Variants in NFAM1 observed in about 807,000 individuals in gnomAD.
NFAM1 encodes the protein NFAT activating protein with ITAM motif 1, also known as NFAT activation molecule 1.
Under a neutral mutation model 29.0 loss-of-function variants are expected in NFAM1, and 17 were observed. The ratio of observed to expected loss-of-function variants is 0.59; its 90% CI spans 0.40 to 0.88. The LOEUF is 0.88. Among genes scored for constraint, NFAM1 ranks in the 40% least tolerant of loss-of-function variants. The probability of loss-of-function intolerance (pLI) is 0.00; values close to 1 mark genes in which losing one functional copy is unlikely to be tolerated. For missense variants in NFAM1, 324 were observed against 344.6 expected, an observed-to-expected ratio of 0.94 and a Z score of 0.47; for synonymous variants, 175 against 147.2, an observed-to-expected ratio of 1.19 and a Z score of -1.36.
intron 1 of NFAM1, among the ~76,000 whole-genome samples, chr22:42,422,874 G>A (rs1219015537): frequency 6.6e-6 from 1 of 152,106 alleles, no homozygotes; most frequent in Non-Finnish European, 1.5e-5. Flanking sequence ...TAGCACTTTG[G>A]GAGGCCGAGG....
intron 1 of NFAM1, among the ~76,000 whole-genome samples, chr22:42,431,520 G>C (rs1450912613): frequency 6.6e-6 from 1 of 152,152 alleles, no homozygotes; most frequent in Non-Finnish European, 1.5e-5. Context: ...CCCTGGAATG[G>C]GACCCTCCTG....
intron 1 of NFAM1, among the ~76,000 whole-genome samples, chr22:42,426,901 C>G (rs1050165050): frequency 6.6e-6 from 1 of 152,174 alleles, no homozygotes; most frequent in Non-Finnish European, 1.5e-5. Flanking sequence ...CTGAGGGGTC[C>G]CAGGTGCCAC....
chr22:42,385,129 C>G lies in NFAM1; in HGVS notation c.*32G>C. 6.3e-7 allele frequency: 1 copy of G among 1,591,318 alleles called. No individual in the cohort carries two copies. Among genetic ancestry groups the G allele is most frequent in the Non-Finnish European group, 8.6e-7 (1 of 1,159,674 alleles). On this transcript the variant is annotated 3_prime_UTR_variant, in exon 6 of 6. Transcript: ENST00000329021. ...CAGGGGCTGCCCCGGTCCTCTGACCCAGGGCAAGCTCTATGAGCGGTGGAG... is the reference window on the plus strand; with the variant it reads ...CAGGGGCTGCCCCGGTCCTCTGACCGAGGGCAAGCTCTATGAGCGGTGGAG...
chr22:42,422,444 A>G (rs192942390), intron 1 of NFAM1, among the ~76,000 whole-genome samples: 10 of 152,064 alleles, frequency 6.6e-5, no homozygotes, highest in African/African-American at 2.2e-4. Flanking sequence ...CATCTCTACT[A>G]AAAATACAAA....
chr22:42,405,367 C>A (rs1033258653), intron 3 of NFAM1, among the ~76,000 whole-genome samples: 3 of 152,144 alleles, frequency 2.0e-5, no homozygotes, highest in African/African-American at 4.8e-5. Context: ...GGGGGGAGTC[C>A]CTTGTCACCT....
chr22:42,402,424 C>CGCAGAGCAGAAACTTT (rs1569229149), intron 3 of NFAM1, among the ~76,000 whole-genome samples: 7 of 152,136 alleles, frequency 4.6e-5, no homozygotes. Flanking sequence ...GAATGCCACC[C>CGCAGAGCAGAAACTTT]GCAGAGCAGA....
rs73886064 is a variant in NFAM1 at position 42,387,090 on chromosome 22, G to A, written c.664-12C>T. ...CGGCGCTGCAGAGCCTACAGGAAAC[G>A]GGGTGCCAGGATCAGGGGCAAGTGT... On this transcript the variant is annotated splice_polypyrimidine_tract_variant and intron_variant, in intron 4 of 5. Transcript: ENST00000329021. 2.1e-3 allele frequency: 3,240 copies of A among 1,531,696 alleles called. 50 individuals carry two copies. The African/African-American group carries it at 0.036, about 17-fold the overall frequency. 94.9% of individuals were successfully genotyped at this position (1,531,696 alleles called of 1,614,324 possible). A position where few individuals can be genotyped will look rare whatever the true frequency, so the allele number is the denominator to read the frequency against.
At chr22:42,398,264 G>A (rs5758722) in intron 3 of NFAM1, among the ~76,000 whole-genome samples, 126,702 of 152,206 alleles carry the variant, frequency 0.83, 52,899 homozygotes, top group East Asian at 1. Context: ...CCCAGGGACC[G>A]AGCCAGCAGC....
At chr22:42,404,546 C>T (rs1929829327) in intron 3 of NFAM1, among the ~76,000 whole-genome samples, 1 of 152,094 alleles carries the variant, frequency 6.6e-6, no homozygotes, top group African/African-American at 2.4e-5. Context: ...CAGCCGTTCT[C>T]CCCAGGTACA....
At chr22:42,390,113 G>C (rs987226396) in intron 4 of NFAM1, among the ~76,000 whole-genome samples, 1 of 151,884 alleles carries the variant, frequency 6.6e-6, no homozygotes, top group African/African-American at 2.4e-5. Context: ...GAGTAAGATC[G>C]AGGATGCTGG....
At chr22:42,392,230 G>A (rs1378828806) in intron 4 of NFAM1, among the ~76,000 whole-genome samples, 1 of 152,196 alleles carries the variant, frequency 6.6e-6, no homozygotes, top group African/African-American at 2.4e-5. Flanking sequence ...GAAAGGGGCT[G>A]AGGAGGTGTG....
chr22:42,389,311 C>T (rs112713574), intron 4 of NFAM1, among the ~76,000 whole-genome samples: 342 of 152,146 alleles, frequency 2.2e-3, no homozygotes, highest in African/African-American at 7.3e-3. Flanking sequence ...GGCGAGTGGG[C>T]GGTGGTGCAG....
At chr22:42,397,326 G>A (rs1015785077) in intron 4 of NFAM1, among the ~76,000 whole-genome samples, 1 of 152,158 alleles carries the variant, frequency 6.6e-6, no homozygotes, top group African/African-American at 2.4e-5. Flanking sequence ...AGCAGAGAGT[G>A]GAACAAACAG....
chr22:42,406,144 G>T (rs73886087), intron 3 of NFAM1, among the ~76,000 whole-genome samples: 1 of 37,482 alleles, frequency 2.7e-5, no homozygotes. Context: ...TGACACCTGC[G>T]GGGCAGGCGC....
chr22:42,396,009 C>T (rs9607897), intron 4 of NFAM1, among the ~76,000 whole-genome samples: 19,432 of 152,216 alleles, frequency 0.13, 1,608 homozygotes, highest in South Asian at 0.24. Flanking sequence ...GCCATGATCC[C>T]TGGCACATAG....
chr22:42,434,243 G>A (rs949112141), upstream of NFAM1, among the ~76,000 whole-genome samples: 3 of 152,190 alleles, frequency 2.0e-5, no homozygotes, highest in Admixed American at 2.0e-4. Flanking sequence ...GGCCCAGGGG[G>A]TGCAGGAATG....
Position 42,432,287 on chromosome 22 carries a change from G to C in NFAM1, c.71C>G (p.Pro24Arg), listed in dbSNP as rs973169452. ...CAGCAGCACGCCAAGGAGGAGCCAG[G>C]GGGCTGCGGGGAGCCCAGGAGGGCG... Reference protein sequence around the residue: ...LPRPPGLPAAPWLLLGVLLLP... With the variant: ...LPRPPGLPAARWLLLGVLLLP... Residue 24 changes from proline to arginine, a missense_variant, in exon 1 of 6, where the codon CCC becomes CGC. By Grantham distance (103) the Pro-to-Arg change is moderately radical. Transcript: ENST00000329021. 6.4e-7 allele frequency: 1 copy of C among 1,572,484 alleles called. No homozygotes were observed. The highest frequency in any genetic ancestry group is 1.4e-5 in the African/African-American group (1 of 74,004).
At chr22:42,397,465 C>T (rs554558142) in intron 4 of NFAM1, among the ~76,000 whole-genome samples, 2 of 152,160 alleles carry the variant, frequency 1.3e-5, no homozygotes, top group Non-Finnish European at 2.9e-5. Context: ...CTGACCTCTT[C>T]CTCTTTTTGT....
chr22:42,389,136 C>T (rs1454191194), intron 4 of NFAM1, among the ~76,000 whole-genome samples: 3 of 152,196 alleles, frequency 2.0e-5, no homozygotes, highest in Non-Finnish European at 2.9e-5. Context: ...GCCCATGTCT[C>T]GGCAGGGGAG....
Sources: allele counts gnomAD v4.1 joint callset (sites outside exome capture counted in the v4.1 genomes callset), GRCh38; gene constraint gnomAD v4.1.1; transcripts MANE v1.5; gene names NCBI Gene and HGNC (gene_info 2026-07-23, HGNC 2026-07-21).